The following NOL4 variants were observed in gnomAD, a reference collection of about 807,000 sequenced individuals.
NOL4 encodes nucleolar protein 4.
In NOL4, 17 loss-of-function variants were observed where a neutral mutation model predicts 75.9. That is an observed-to-expected ratio of 0.22 (90% CI 0.15 to 0.34). The LOEUF (loss-of-function observed/expected upper bound fraction) is 0.34. Among genes scored for constraint, NOL4 ranks in the 10% least tolerant of loss-of-function variants. The pLI, the probability that NOL4 is intolerant of heterozygous loss-of-function variation, is 1.00. For synonymous variants in NOL4, 292 were observed against 289.9 expected (o/e 1.01, Z -0.07); for missense variants, 614 against 793.5 (o/e 0.77, Z 2.72).
intron 5 of NOL4, among the ~76,000 whole-genome samples, chr18:34,085,543 G>A (rs2078205077): frequency 6.6e-6 from 1 of 152,090 alleles, no homozygotes. Context: ...AGCTAAGATG[G>A]GACTGGTCTC....
intron 1 of NOL4, among the ~76,000 whole-genome samples, chr18:34,214,461 T>C (rs765933044): frequency 1.3e-5 from 2 of 152,194 alleles, no homozygotes; most frequent in Non-Finnish European, 2.9e-5. Flanking sequence ...AGAATCCAAA[T>C]GGTTTCTTGT....
At position 33,920,258 on chromosome 18, in the gene NOL4, A is replaced by G. The variant is rs189129904; in HGVS notation, c.1542+22807T>C. On this transcript the variant is annotated intron_variant, in intron 9 of 10. Transcript: ENST00000261592. ...GTCTCCTGATGTTAAAATTTGTGCA[A>G]CTTAAAAATACAAAAAAAATGAATA... 7.4e-4 allele frequency among the ~76,000 whole-genome samples: 112 copies of G among 152,234 alleles called. 1 individual carries two copies. Among genetic ancestry groups the G allele is most frequent in the Middle Eastern group, 6.8e-3 (2 of 294 alleles).
intron 9 of NOL4, among the ~76,000 whole-genome samples, chr18:33,934,552 G>T (rs1415232726): frequency 6.6e-6 from 1 of 152,032 alleles, no homozygotes; most frequent in Non-Finnish European, 1.5e-5. Flanking sequence ...GGATCTTCTG[G>T]ACAACTTGCT....
At chr18:34,110,134 A>G (rs866584378) in intron 2 of NOL4, among the ~76,000 whole-genome samples, 1 of 75,276 alleles carries the variant, frequency 1.3e-5, no homozygotes, top group Admixed American at 1.2e-4. Flanking sequence ...CCCACAAAAA[A>G]AAAAAAAAAA....
intron 2 of NOL4, among the ~76,000 whole-genome samples, chr18:34,107,482 G>A (rs181181556): frequency 8.8e-4 from 134 of 151,720 alleles, no homozygotes; most frequent in Admixed American, 1.9e-3. Context: ...AGTTTTCTTG[G>A]TGTTTAGAAT....
chr18:33,968,510 A>T (rs913571842), intron 6 of NOL4, among the ~76,000 whole-genome samples: 2 of 152,236 alleles, frequency 1.3e-5, no homozygotes, highest in Non-Finnish European at 2.9e-5. Context: ...TCCTAAGGGA[A>T]TTAACACAGA....
intron 2 of NOL4, among the ~76,000 whole-genome samples, chr18:34,116,320 A>G (rs987692971): frequency 1.3e-5 from 2 of 152,186 alleles, no homozygotes; most frequent in African/African-American, 4.8e-5. Context: ...ACTCTTGGGA[A>G]TACCTTACTG....
intron 1 of NOL4, among the ~76,000 whole-genome samples, chr18:34,133,480 ATAATG>A (rs2080754413): frequency 6.6e-6 from 1 of 151,830 alleles, no homozygotes; most frequent in African/African-American, 2.4e-5. Flanking sequence ...ACAAATTAAT[ATAATG>A]TAATGTAATA....
rs551510886 is a variant in NOL4 at position 34,186,791 on chromosome 18, T to C, written c.264+36199A>G. ...CCCAAACACATGGATTTTGTTTTTGTTGGCACTCTGCAAAATTTATTCACA... is the reference window on the plus strand; with the variant it reads ...CCCAAACACATGGATTTTGTTTTTGCTGGCACTCTGCAAAATTTATTCACA... On this transcript the variant is annotated intron_variant, in intron 1 of 10. Transcript: ENST00000261592. Among the ~76,000 whole-genome samples the C allele has an allele frequency of 3.3e-5, 5 of 152,328 alleles. No homozygotes were observed. In the East Asian group the frequency reaches 7.7e-4, roughly 24 times the overall value.
intron 10 of NOL4, 116 bp from the exon 11 acceptor site, chr18:33,853,151 A>G: frequency 1.1e-6 from 1 of 870,584 alleles, no homozygotes; most frequent in South Asian, 1.9e-5. Flanking sequence ...ACAAGAAGCT[A>G]GTGATCTCTT....
chr18:33,964,065 G>T (rs1465706577), intron 6 of NOL4, among the ~76,000 whole-genome samples: 1 of 152,208 alleles, frequency 6.6e-6, no homozygotes, highest in Non-Finnish European at 1.5e-5. Context: ...TGTCACAGCA[G>T]TGATCGTAAG....
At chr18:34,048,908 T>C (rs1487972540) in intron 5 of NOL4, among the ~76,000 whole-genome samples, 1 of 152,162 alleles carries the variant, frequency 6.6e-6, no homozygotes, top group Non-Finnish European at 1.5e-5. Flanking sequence ...TCTGTGTAGC[T>C]TGTTAAAACA....
chr18:33,906,009 G>C (rs944644928), intron 9 of NOL4, among the ~76,000 whole-genome samples: 7 of 152,306 alleles, frequency 4.6e-5, no homozygotes, highest in African/African-American at 1.7e-4. Context: ...ACTCCATTTT[G>C]CTCCTAAACT....
At chr18:34,206,226 T>A (rs531791038) in intron 1 of NOL4, among the ~76,000 whole-genome samples, 1 of 151,458 alleles carries the variant, frequency 6.6e-6, no homozygotes, top group Non-Finnish European at 1.5e-5. Context: ...CATAGAGCCA[T>A]ACATATCACA....
intron 2 of NOL4, among the ~76,000 whole-genome samples, chr18:34,115,447 A>G (rs539474439): frequency 2.0e-5 from 3 of 151,812 alleles, no homozygotes; most frequent in African/African-American, 7.2e-5. Flanking sequence ...TACAGACACA[A>G]TCTACCATGC....
At chr18:33,876,528 A>C (rs2063939197) in intron 10 of NOL4, among the ~76,000 whole-genome samples, 1 of 152,064 alleles carries the variant, frequency 6.6e-6, no homozygotes, top group Admixed American at 6.6e-5. Context: ...CTGGCATCTA[A>C]TATAATGCTA....
At chr18:34,118,406 CTAAAT>C (rs1243034186) in intron 2 of NOL4, among the ~76,000 whole-genome samples, 1 of 151,946 alleles carries the variant, frequency 6.6e-6, no homozygotes, top group Non-Finnish European at 1.5e-5. Flanking sequence ...ATATATGTAA[CTAAAT>C]TAAGATATAG....
intron 5 of NOL4, among the ~76,000 whole-genome samples, chr18:34,062,189 A>C (rs9965291): frequency 0.92 from 139,113 of 151,980 alleles, 63,815 homozygotes; most frequent in African/African-American, 0.97. Flanking sequence ...ACATTCTGCA[A>C]GTGTACCACT....
rs543709551 is a variant in NOL4 at position 33,852,978 on chromosome 18, C to G, written c.1781G>C (p.Ser594Thr). 1 of 1,613,154 alleles carries G rather than the reference C, an allele frequency of 6.2e-7. No individual in the cohort carries two copies. The highest frequency in any genetic ancestry group is 1.1e-5 in the South Asian group (1 of 91,062). ...QLATSSGSSSSSNSRPQLSPT... is the reference protein window; with the variant it reads ...QLATSSGSSSTSNSRPQLSPT... ...ACTCAGCTGGGGTCTGGAGTTTGAG[C>G]TGCTGGAGGATCCTGAGCTAGTCGC... Residue 594 changes from serine to threonine, a missense_variant, in exon 11 of 11, where the codon AGC (serine) becomes ACC (threonine). Physicochemically the swap from Ser to Thr is moderately conservative, Grantham distance 58 (BLOSUM62 1). Around this residue, in one of 9 missense-constraint regions of NOL4, gnomAD observed 128 missense variants for 159.9 expected, o/e 0.80. Transcript: ENST00000261592.
Sources: allele counts gnomAD v4.1 joint callset (sites outside exome capture counted in the v4.1 genomes callset), GRCh38; gene constraint gnomAD v4.1.1; regional missense constraint gnomAD v4.1.1; transcripts MANE v1.5; gene names NCBI Gene and HGNC (gene_info 2026-07-23, HGNC 2026-07-21).